The following SLC36A4 variants were observed in gnomAD, a reference collection of about 807,000 sequenced individuals.
SLC36A4 encodes the protein solute carrier family 36 member 4, also known as neutral amino acid uniporter 4.
Under a neutral mutation model 50.5 loss-of-function variants are expected in SLC36A4, and 49 were observed. The ratio of observed to expected loss-of-function variants is 0.97; its 90% CI spans 0.77 to 1.23. The LOEUF (loss-of-function observed/expected upper bound fraction) is 1.23. Ranked by LOEUF, SLC36A4 falls within the 50% of genes most tolerant of loss-of-function variation. SLC36A4 has a pLI of 0.00. For missense variants in SLC36A4, 611 were observed against 608.4 expected (o/e 1.00, Z -0.05); for synonymous variants, 207 against 206.5 (o/e 1.00, Z -0.02).
chr11:93,184,394 T>G (rs759753511), intron 3 of SLC36A4, 36 bp downstream of exon 3: 28 of 1,275,848 alleles, frequency 2.2e-5, no homozygotes, highest in Non-Finnish European at 3.0e-5. Context: ...GACTGAGAAC[T>G]GCATCTTAAC....
intron 4 of SLC36A4, 44 bp from the exon 5 acceptor site, chr11:93,181,830 T>G: frequency 6.8e-7 from 1 of 1,471,430 alleles, no homozygotes; most frequent in Non-Finnish European, 9.1e-7. Context: ...AGAAAAATTT[T>G]AAGGTGGTCC....
chr11:93,183,752 C>T (rs575269843), intron 3 of SLC36A4, among the ~76,000 whole-genome samples: 146 of 151,626 alleles, frequency 9.6e-4, no homozygotes, highest in African/African-American at 3.4e-3. Flanking sequence ...GGCTGGAGTG[C>T]AGTGGCGCAA....
chr11:93,188,338 C>T (rs569890230), intron 1 of SLC36A4, among the ~76,000 whole-genome samples: 1 of 152,232 alleles, frequency 6.6e-6, no homozygotes, highest in East Asian at 1.9e-4. Context: ...TAAAGTGATG[C>T]CTTAAGATAC....
At chr11:93,152,580 T>A (rs1206364878) in intron 10 of SLC36A4, 1 of 152,154 alleles carries the variant, frequency 6.6e-6, no homozygotes, top group Non-Finnish European at 1.5e-5. Flanking sequence ...TTCTCTGTGC[T>A]ATGAACTAAG....
At chr11:93,177,121 G>C (rs1436663809) in intron 6 of SLC36A4, among the ~76,000 whole-genome samples, 2 of 152,042 alleles carry the variant, frequency 1.3e-5, no homozygotes, top group East Asian at 1.9e-4. Flanking sequence ...TTTTCACATA[G>C]TTCCATATTT....
rs768919284 is a variant in SLC36A4, at chr11:93,148,812, T to C, written c.1240A>G (p.Ile414Val). The C allele has an allele frequency of 6.2e-7, 1 of 1,611,832 alleles. No individual in the cohort carries two copies. Among genetic ancestry groups the C allele is most frequent in the Non-Finnish European group, 8.5e-7 (1 of 1,179,020 alleles). ...AGAILIPRLD[I>V]VISFVGAVSS... ...ACAGCTCCAACGAAGGAAATCACAA[T>C]GTCTAAACGAGGAATAAGAATTGCT... The change falls in exon 11 of 11, where the codon ATT becomes GTT. Residue 414 changes from isoleucine to valine, a missense_variant. Physicochemically the swap from Ile to Val is conservative, Grantham distance 29 (BLOSUM62 3). Transcript: ENST00000326402.
At chr11:93,149,247 A>C (rs1859967115) in intron 10 of SLC36A4, among the ~76,000 whole-genome samples, 1 of 152,076 alleles carries the variant, frequency 6.6e-6, no homozygotes, top group Non-Finnish European at 1.5e-5. Flanking sequence ...CTATTCCTTA[A>C]AGTAGAATTC....
intron 8 of SLC36A4, among the ~76,000 whole-genome samples, chr11:93,163,403 C>T (rs1860718326): frequency 6.6e-6 from 1 of 152,106 alleles, no homozygotes; most frequent in Non-Finnish European, 1.5e-5. Flanking sequence ...TTTCTCAATC[C>T]TTGCTTGTTG....
chr11:93,149,929 T>G (rs1156659964), intron 10 of SLC36A4, among the ~76,000 whole-genome samples: 1 of 141,672 alleles, frequency 7.1e-6, no homozygotes, highest in South Asian at 2.2e-4. Flanking sequence ...AACTACTTTC[T>G]TTTACACCCT....
At chr11:93,151,614 C>T (rs1860090104) in intron 10 of SLC36A4, among the ~76,000 whole-genome samples, 1 of 152,058 alleles carries the variant, frequency 6.6e-6, no homozygotes, top group Non-Finnish European at 1.5e-5. Context: ...AGGCAACTAA[C>T]TTAAATGAAG....
At chr11:93,191,093 G>T (rs1230476058) in intron 1 of SLC36A4, among the ~76,000 whole-genome samples, 1 of 152,084 alleles carries the variant, frequency 6.6e-6, no homozygotes, top group Non-Finnish European at 1.5e-5. Flanking sequence ...TCTTTAAATG[G>T]TAAGAGCCTA....
Position 93,160,761 on chromosome 11 carries a change from A to G in SLC36A4, c.1037+1945T>C, listed in dbSNP as rs996388837. The G allele has an allele frequency of 4.4e-5, 43 of 973,856 alleles. No homozygotes were observed. The African/African-American group carries it at 6.0e-4, about 14-fold the overall frequency. The allele number at this position is 973,856 out of a possible 1,614,324, so 60.3% of individuals were successfully genotyped here. The stretch of plus-strand genomic sequence containing the variant: ...GGGAAAGAATTTTGACATTATTTCC[A>G]TGTACCTTTTACATTTGGCATTAAA... On this transcript the variant is annotated intron_variant, in intron 9 of 10. Transcript: ENST00000326402.
At chr11:93,160,852 T>C (rs1057156963) in intron 9 of SLC36A4, 1 of 725,342 alleles carries the variant, frequency 1.4e-6, no homozygotes, top group African/African-American at 1.9e-5. Flanking sequence ...TTATTATTAA[T>C]ATTATTGAGA....
chr11:93,161,171 C>T (rs1185655038), intron 9 of SLC36A4, among the ~76,000 whole-genome samples: 1 of 152,116 alleles, frequency 6.6e-6, no homozygotes, highest in Non-Finnish European at 1.5e-5. Flanking sequence ...GAAAAAATAT[C>T]ATTCTATTTT....
intron 1 of SLC36A4, among the ~76,000 whole-genome samples, chr11:93,191,422 G>A (rs1425520772): frequency 6.6e-6 from 1 of 152,228 alleles, no homozygotes; most frequent in Non-Finnish European, 1.5e-5. Context: ...AGAAGATTAA[G>A]CTGGAAAGCT....
At chr11:93,167,344 A>G (rs1860920217) in intron 7 of SLC36A4, 1 of 152,140 alleles carries the variant, frequency 6.6e-6, no homozygotes, top group Admixed American at 6.6e-5. Context: ...AGCAAAACAC[A>G]TACATACATA....
chr11:93,197,806 A>AGCCGCCGGCGTCGCC lies in SLC36A4; in HGVS notation c.12_26dup (p.Thr6_Ala10dup). ...GCTCCTCGCGCCTCGCCGCCCCGGCAGCCGCCGGCGTCGCCGCCGCTTCCA... is the reference window on the plus strand; with the variant it reads ...GCTCCTCGCGCCTCGCCGCCCCGGCAGCCGCCGGCGTCGCCGCCGCCGGCGTCGCCGCCGCTTCCA... On this transcript the variant is annotated inframe_insertion, in exon 1 of 11. Coordinates refer to ENST00000326402, the MANE Select transcript of SLC36A4 (RefSeq NM_152313.4). 6.3e-7 allele frequency: 1 copy of AGCCGCCGGCGTCGCC among 1,583,974 alleles called. No homozygotes were observed.
At chr11:93,185,887 A>C in intron 1 of SLC36A4, 73 bp from the exon 2 acceptor site, 1 of 1,351,556 alleles carries the variant, frequency 7.4e-7, no homozygotes, top group Non-Finnish European at 9.9e-7. Context: ...AATGAATTTC[A>C]AAATATTAGG....
intron 7 of SLC36A4, chr11:93,166,395 C>T: frequency 1.0e-6 from 1 of 993,052 alleles, no homozygotes. Context: ...CTGCTGGTGC[C>T]TAGCAGAAAT....
Sources: allele counts gnomAD v4.1 joint callset (sites outside exome capture counted in the v4.1 genomes callset), GRCh38; gene constraint gnomAD v4.1.1; transcripts MANE v1.5; gene names NCBI Gene and HGNC (gene_info 2026-07-23, HGNC 2026-07-21).